GPHN: variants seen among roughly 807,000 people sequenced by gnomAD.
GPHN encodes gephyrin.
A neutral mutation model predicts 95.5 loss-of-function variants in GPHN; 17 were observed. The ratio of observed to expected loss-of-function variants is 0.18; its 90% CI spans 0.12 to 0.27. The LOEUF (loss-of-function observed/expected upper bound fraction) is 0.27, where lower values mean the gene tolerates loss of function less well. Among genes scored for constraint, GPHN ranks in the 10% least tolerant of loss-of-function variants. The pLI, the probability that GPHN is intolerant of heterozygous loss-of-function variation, is 1.00. For missense variants in GPHN, 660 were observed against 978.1 expected, an observed-to-expected ratio of 0.67 and a Z score of 4.34; for synonymous variants, 320 against 322.5, an observed-to-expected ratio of 0.99 and a Z score of 0.08.
At chr14:67,513,467 C>T in the GPHN span, among the ~76,000 whole-genome samples, 1 of 152,188 alleles carries the variant, frequency 6.6e-6, no homozygotes, top group Non-Finnish European at 1.5e-5. Context: ...TCCGTTGCTC[C>T]TGTACCTATA....
chr14:67,722,325 A>C, the GPHN span: 2 of 460,440 alleles, frequency 4.3e-6, no homozygotes, highest in South Asian at 4.5e-5. Flanking sequence ...ACAATTGAGG[A>C]TGGGGGGTTT....
At chr14:66,712,143 C>G (rs2069699721) in intron 2 of GPHN, among the ~76,000 whole-genome samples, 1 of 152,130 alleles carries the variant, frequency 6.6e-6, no homozygotes, top group Non-Finnish European at 1.5e-5. Context: ...ATTTCTAGTT[C>G]TAGATCCTTG....
intron 12 of GPHN, among the ~76,000 whole-genome samples, chr14:67,095,367 G>A (rs554158952): frequency 4.0e-4 from 61 of 152,298 alleles, no homozygotes; most frequent in Admixed American, 1.0e-3. Context: ...GGAAGTCAGT[G>A]TGGCGATTCC....
chr14:67,678,298 T>C, the GPHN span: 2 of 1,464,196 alleles, frequency 1.4e-6, no homozygotes, highest in Non-Finnish European at 1.9e-6. Flanking sequence ...CAGTCTTCTC[T>C]TGGGTCCAAC....
At chr14:66,749,263 G>A (rs969841617) in intron 2 of GPHN, among the ~76,000 whole-genome samples, 2 of 151,920 alleles carry the variant, frequency 1.3e-5, no homozygotes, top group African/African-American at 4.8e-5. Context: ...CATCTTCGTT[G>A]TTTACAAGTT....
At chr14:67,485,353 A>C in the GPHN span, among the ~76,000 whole-genome samples, 5 of 152,212 alleles carry the variant, frequency 3.3e-5, no homozygotes, top group Non-Finnish European at 7.4e-5. Flanking sequence ...GAAACTCTCC[A>C]GTCAAACTGA....
At chr14:67,434,960 T>C in the GPHN span, among the ~76,000 whole-genome samples, 1 of 147,684 alleles carries the variant, frequency 6.8e-6, no homozygotes, top group East Asian at 1.9e-4. Flanking sequence ...TCTCTTCCTC[T>C]TCTCTCTCTC....
At chr14:66,980,921 T>C (rs2070618715) in intron 9 of GPHN, among the ~76,000 whole-genome samples, 1 of 152,120 alleles carries the variant, frequency 6.6e-6, no homozygotes, top group Non-Finnish European at 1.5e-5. Context: ...GTGTGGTGCA[T>C]GCCTGTAATC....
intron 18 of GPHN, among the ~76,000 whole-genome samples, chr14:67,144,744 T>A (rs1423936918): frequency 6.6e-6 from 1 of 152,262 alleles, no homozygotes; most frequent in Non-Finnish European, 1.5e-5. Flanking sequence ...CAGTGAACTC[T>A]GTTGGCTCGG....
At chr14:67,556,942 C>T in the GPHN span, among the ~76,000 whole-genome samples, 1 of 152,084 alleles carries the variant, frequency 6.6e-6, no homozygotes, top group African/African-American at 2.4e-5. Flanking sequence ...GTTTGTCCTG[C>T]CCAACTCATT....
chr14:66,731,726 G>A (rs2071781361), intron 2 of GPHN, among the ~76,000 whole-genome samples: 1 of 152,190 alleles, frequency 6.6e-6, no homozygotes, highest in South Asian at 2.1e-4. Flanking sequence ...GAATAGCCAA[G>A]ACAGTGGGGA....
chr14:67,408,383 T>C, the GPHN span, among the ~76,000 whole-genome samples: 1 of 151,270 alleles, frequency 6.6e-6, no homozygotes, highest in African/African-American at 2.4e-5. Context: ...GATGGGATGA[T>C]ACTTGCTATG....
chr14:66,916,509 T>TTG (rs2065912670), intron 6 of GPHN, among the ~76,000 whole-genome samples: 3 of 151,200 alleles, frequency 2.0e-5, no homozygotes, highest in Non-Finnish European at 4.4e-5. Flanking sequence ...TTGGTTTTTT[T>TTG]TTTTGTTTTG....
the GPHN span, among the ~76,000 whole-genome samples, chr14:67,661,498 TGTGACA>T: frequency 6.6e-6 from 1 of 150,964 alleles, no homozygotes; most frequent in Non-Finnish European, 1.5e-5. Context: ...CTACATTTTC[TGTGACA>T]GTAGGTTTAA....
intron 2 of GPHN, among the ~76,000 whole-genome samples, chr14:66,731,473 A>G (rs2071761174): frequency 6.6e-6 from 1 of 152,232 alleles, no homozygotes; most frequent in African/African-American, 2.4e-5. Context: ...ACTGGAGCAA[A>G]GGTCACTCCT....
At chr14:66,843,781 C>G (rs1382992947) in intron 4 of GPHN, among the ~76,000 whole-genome samples, 2 of 152,086 alleles carry the variant, frequency 1.3e-5, no homozygotes, top group Non-Finnish European at 2.9e-5. Context: ...TACCACCTGT[C>G]CTTTCTGCTT....
the GPHN span, chr14:67,321,227 G>A: frequency 1.2e-6 from 2 of 1,614,012 alleles, no homozygotes; most frequent in East Asian, 2.2e-5. Flanking sequence ...GATCAACTCT[G>A]GCAAAATATG....
chr14:67,316,925 T>G, the GPHN span: 1 of 1,587,532 alleles, frequency 6.3e-7, no homozygotes, highest in Non-Finnish European at 8.6e-7. Flanking sequence ...GTATTTGACA[T>G]AAGTAAATGG....
At chr14:66,533,249 A>G (rs2059014157) in intron 1 of GPHN, among the ~76,000 whole-genome samples, 1 of 152,114 alleles carries the variant, frequency 6.6e-6, no homozygotes, top group African/African-American at 2.4e-5. Flanking sequence ...ATTTATTGTA[A>G]TCTCTTCCTG....
Sources: gnomAD v4.1 joint callset for allele counts (sites outside exome capture counted in the v4.1 genomes callset) on GRCh38, gnomAD v4.1.1 for gene constraint, MANE v1.5 for transcripts, NCBI Gene and HGNC (gene_info 2026-07-23, HGNC 2026-07-21) for gene names.